Variants in DIAPH2 observed in about 807,000 individuals in gnomAD.
DIAPH2 encodes protein diaphanous homolog 2.
DIAPH2 carries 35 observed loss-of-function variants against 92.7 expected under a neutral mutation model. The observed-to-expected ratio is 0.38, with a 90% confidence interval of 0.29 to 0.50. The LOEUF (loss-of-function observed/expected upper bound fraction) is 0.50. DIAPH2 is among the 20% of genes least tolerant of loss of function. DIAPH2 has a pLI of 0.94. For missense variants in DIAPH2, 701 were observed against 819.5 expected (o/e 0.86, Z 1.77); for synonymous variants, 301 against 280.4 (o/e 1.07, Z -0.73).
chrX:97,289,299 C>T (rs2068570988), intron 23 of DIAPH2, among the ~76,000 whole-genome samples: 1 of 112,061 alleles, frequency 8.9e-6, no homozygotes, highest in Non-Finnish European at 1.9e-5. Context: ...CAGAAATATT[C>T]AAGATAAATC....
chrX:97,456,113 C>T (rs768455890), intron 26 of DIAPH2, among the ~76,000 whole-genome samples: 55 of 112,485 alleles, frequency 4.9e-4, no homozygotes, highest in African/African-American at 1.6e-3. Context: ...TCAGGCCGGG[C>T]GCGGTGGCTC....
chrX:97,433,806 C>T (rs186233467), intron 26 of DIAPH2, among the ~76,000 whole-genome samples: 266 of 111,459 alleles, frequency 2.4e-3, no homozygotes, highest in East Asian at 0.013. Context: ...ATTATAGGAA[C>T]GATAAAAAGC....
intron 22 of DIAPH2, among the ~76,000 whole-genome samples, chrX:97,177,079 T>A (rs975013374): frequency 4.5e-5 from 5 of 111,262 alleles, no homozygotes; most frequent in African/African-American, 1.6e-4. Context: ...CCAATTTTTT[T>A]CCCAATATTT....
chrX:97,543,199 TG>T (rs1158910545), intron 26 of DIAPH2, among the ~76,000 whole-genome samples: 4 of 112,131 alleles, frequency 3.6e-5, no homozygotes, highest in Non-Finnish European at 7.5e-5. Context: ...TCAAATTTCA[TG>T]GCTTCTCCAG....
chrX:96,770,591 C>T (rs182514915), intron 4 of DIAPH2, among the ~76,000 whole-genome samples: 14 of 111,387 alleles, frequency 1.3e-4, no homozygotes, highest in Non-Finnish European at 2.3e-4. Context: ...TCTTGTATTC[C>T]AATTTGATTT....
At chrX:96,785,302 A>C (rs1178410466) in intron 4 of DIAPH2, among the ~76,000 whole-genome samples, 1 of 110,508 alleles carries the variant, frequency 9.0e-6, no homozygotes, top group Non-Finnish European at 1.9e-5. Context: ...TAATGTATAA[A>C]GAACAGAAAT....
intron 19 of DIAPH2, among the ~76,000 whole-genome samples, chrX:97,091,608 G>T (rs1473241082): frequency 1.8e-5 from 2 of 111,193 alleles, no homozygotes; most frequent in African/African-American, 6.5e-5. Context: ...CACTGCTTTT[G>T]TTTCTCTAAT....
chrX:96,694,908 C>T (rs1221478513), intron 1 of DIAPH2, among the ~76,000 whole-genome samples: 2 of 108,944 alleles, frequency 1.8e-5, no homozygotes, highest in African/African-American at 6.7e-5. Flanking sequence ...TTTACATTAT[C>T]TACCTCCCCA....
intron 2 of DIAPH2, among the ~76,000 whole-genome samples, chrX:96,737,349 T>G (rs755281551): frequency 8.9e-6 from 1 of 112,562 alleles, no homozygotes; most frequent in Non-Finnish European, 1.9e-5. Context: ...GAATTTAAAA[T>G]AAAAGTTATG....
At chrX:96,946,847 A>C (rs1389454142) in intron 14 of DIAPH2, among the ~76,000 whole-genome samples, 1 of 111,790 alleles carries the variant, frequency 8.9e-6, no homozygotes, top group Non-Finnish European at 1.9e-5. Context: ...AATAGAAAAG[A>C]AATTTCAGTG....
In DIAPH2 at chrX:97,037,190, C is replaced by T. The variant is rs527699177; in HGVS notation, c.2051-35751C>T. ...GAGTAACAAAAGTTCCTTTTGAATC[C>T]GTTTTTCTATTTAGCTAGGCAATAA... On this transcript the variant is annotated intron_variant, in intron 17 of 26. Transcript: ENST00000324765. Among the ~76,000 whole-genome samples, 125 of 110,904 alleles carry T rather than the reference C, an allele frequency of 1.1e-3. 1 individual carries two copies. The highest frequency in any genetic ancestry group is 3.9e-3 in the African/African-American group (119 of 30,533).
chrX:96,696,671 G>T (rs150312084), intron 1 of DIAPH2, among the ~76,000 whole-genome samples: 4 of 111,943 alleles, frequency 3.6e-5, no homozygotes, highest in African/African-American at 1.3e-4. Flanking sequence ...CTTCCTCTGC[G>T]TCATCCTGAT....
rs147690527 is a variant in DIAPH2, at chrX:97,425,034, G to A, written c.3146-4616G>A. ...TATCTATAATGTTATACATTTTTAT[G>A]TTTGCATATTATTTAGGTAAATCAT... On this transcript the variant is annotated intron_variant, in intron 25 of 26. Coordinates refer to ENST00000324765, the MANE Select transcript of DIAPH2 (RefSeq NM_006729.5). Among the ~76,000 whole-genome samples the A allele has an allele frequency of 4.2e-3, 466 of 111,975 alleles. 13 individuals are homozygous for A. In the East Asian group the frequency reaches 0.092, roughly 22 times the overall value.
chrX:96,892,605 G>A (rs775095558), intron 5 of DIAPH2, among the ~76,000 whole-genome samples: 101 of 111,194 alleles, frequency 9.1e-4, no homozygotes, highest in Non-Finnish European at 1.4e-3. Context: ...TTCTGACTTC[G>A]GCACATGCAA....
chrX:97,555,619 T>C (rs1054086051), intron 26 of DIAPH2, among the ~76,000 whole-genome samples: 1 of 111,278 alleles, frequency 9.0e-6, no homozygotes, highest in East Asian at 2.8e-4. Context: ...TCAATGTCAG[T>C]ATGGGAAAAA....
intron 23 of DIAPH2, among the ~76,000 whole-genome samples, chrX:97,268,376 C>A (rs2068355440): frequency 8.9e-6 from 1 of 112,524 alleles, no homozygotes; most frequent in Non-Finnish European, 1.9e-5. Context: ...TAATTCAAAT[C>A]ATCTGAGTAT....
chrX:97,438,768 A>G (rs2070221446), intron 26 of DIAPH2, among the ~76,000 whole-genome samples: 1 of 111,537 alleles, frequency 9.0e-6, no homozygotes, highest in South Asian at 3.8e-4. Flanking sequence ...TTAGAAGACA[A>G]TGAAAAGATA....
chrX:96,818,214 T>C (rs755333971), intron 4 of DIAPH2, among the ~76,000 whole-genome samples: 136 of 104,992 alleles, frequency 1.3e-3, no homozygotes, highest in Non-Finnish European at 2.3e-3. Context: ...CTCCTGACCT[T>C]GTGATCAGCC....
intron 23 of DIAPH2, among the ~76,000 whole-genome samples, chrX:97,308,253 A>G (rs1041139440): frequency 3.6e-5 from 4 of 111,922 alleles, no homozygotes; most frequent in African/African-American, 1.3e-4. Context: ...GGCATAAACC[A>G]CATATCTTCC....
Sources: gnomAD v4.1 joint callset for allele counts (sites outside exome capture counted in the v4.1 genomes callset) on GRCh38, gnomAD v4.1.1 for gene constraint, MANE v1.5 for transcripts, NCBI Gene and HGNC (gene_info 2026-07-23, HGNC 2026-07-21) for gene names.